ZDHHC13: variants seen among roughly 807,000 people sequenced by gnomAD.
The protein encoded by ZDHHC13 is palmitoyltransferase ZDHHC13.
Under a neutral mutation model 86.0 loss-of-function variants are expected in ZDHHC13, and 85 were observed. That is an observed-to-expected ratio of 0.99 (90% CI 0.83 to 1.18). The LOEUF (loss-of-function observed/expected upper bound fraction) is 1.18. Among genes scored for constraint, ZDHHC13 ranks in the 50% most tolerant of loss-of-function variants. The pLI, the probability that ZDHHC13 is intolerant of heterozygous loss-of-function variation, is 0.00. For missense variants in ZDHHC13, 711 were observed against 730.2 expected, an observed-to-expected ratio of 0.97 and a Z score of 0.30; for synonymous variants, 263 against 246.4, an observed-to-expected ratio of 1.07 and a Z score of -0.63.
intron 5 of ZDHHC13, 99 bp downstream of exon 5, chr11:19,149,430 A>G (rs553372146): frequency 8.3e-7 from 1 of 1,204,384 alleles, no homozygotes; most frequent in South Asian, 2.1e-5. Flanking sequence ...AGTGGAGGTT[A>G]ATGGATATCC....
chr11:19,154,480 T>C (rs965860072), intron 8 of ZDHHC13, among the ~76,000 whole-genome samples: 1 of 152,176 alleles, frequency 6.6e-6, no homozygotes, highest in East Asian at 1.9e-4. Context: ...CTCCTAGATA[T>C]GGCGTAGAGA....
intron 16 of ZDHHC13, among the ~76,000 whole-genome samples, chr11:19,173,372 G>A (rs1386294715): frequency 6.6e-6 from 1 of 152,202 alleles, no homozygotes; most frequent in Non-Finnish European, 1.5e-5. Flanking sequence ...ATGAGAGTAT[G>A]TATAGAAAGA....
rs116109571 is a variant in ZDHHC13, at chr11:19,119,434, C to T, written c.27+2158C>T. Reference sequence around the variant, plus strand: ...CTCATCTTTTACTGTCTTGCTTGCCCGGTCATCCCCAGCCACACCAGCCTC... The same window carrying T: ...CTCATCTTTTACTGTCTTGCTTGCCTGGTCATCCCCAGCCACACCAGCCTC... On this transcript the variant is annotated intron_variant, in intron 1 of 16. Coordinates refer to ENST00000446113, the MANE Select transcript of ZDHHC13 (RefSeq NM_019028.3). Among the ~76,000 whole-genome samples the T allele has an allele frequency of 8.4e-3, 1,279 of 152,278 alleles. 12 individuals carry two copies. Among genetic ancestry groups the T allele is most frequent in the African/African-American group, 0.028 (1,161 of 41,540 alleles).
chr11:19,137,626 A>C (rs1378097623), intron 1 of ZDHHC13, among the ~76,000 whole-genome samples: 1 of 152,180 alleles, frequency 6.6e-6, no homozygotes, highest in East Asian at 1.9e-4. Context: ...TTATTTCAGC[A>C]CCACACCACA....
At chr11:19,156,032 AT>A in intron 9 of ZDHHC13, 103 bp downstream of exon 9, 3 of 1,366,954 alleles carry the variant, frequency 2.2e-6, no homozygotes, top group Non-Finnish European at 2.9e-6. Flanking sequence ...CATGCTGTAA[AT>A]ATTACTTACC....
intron 5 of ZDHHC13, among the ~76,000 whole-genome samples, chr11:19,150,367 A>G (rs1244033972): frequency 6.6e-6 from 1 of 152,162 alleles, no homozygotes; most frequent in African/African-American, 2.4e-5. Context: ...ACTTTGTATA[A>G]GAAATGATAA....
At chr11:19,130,908 C>T (rs1021404676) in intron 1 of ZDHHC13, among the ~76,000 whole-genome samples, 3 of 151,684 alleles carry the variant, frequency 2.0e-5, no homozygotes, top group East Asian at 1.9e-4. Flanking sequence ...TACAGTGGCG[C>T]GATATCGGCT....
At position 19,117,334 on chromosome 11, in the gene ZDHHC13, A is replaced by G; in HGVS notation, c.27+58A>G. 1 of 1,425,696 alleles carries G rather than the reference A, an allele frequency of 7.0e-7. No homozygotes were observed. The highest frequency in any genetic ancestry group is 1.4e-5 in the South Asian group (1 of 70,506). 88.3% of individuals were successfully genotyped at this position (1,425,696 alleles called of 1,614,324 possible). ...GCCGGGAGAGCGGCTGCAGCTGTGGAGGAAAGGATGGTGTGGGTGAGAGGC... is the reference window on the plus strand; with the variant it reads ...GCCGGGAGAGCGGCTGCAGCTGTGGGGGAAAGGATGGTGTGGGTGAGAGGC... On this transcript the variant is annotated intron_variant, in intron 1 of 16. Transcript: ENST00000446113. This position sits in a 1 kb window ranked among gnomAD's most constrained non-coding sequence, Gnocchi z 4.2.
chr11:19,129,717 G>A (rs1848948186), intron 1 of ZDHHC13, among the ~76,000 whole-genome samples: 2 of 151,960 alleles, frequency 1.3e-5, no homozygotes, highest in Admixed American at 1.3e-4. Context: ...TTGTATCTGT[G>A]TTCATGAGGG....
intron 1 of ZDHHC13, among the ~76,000 whole-genome samples, chr11:19,125,236 G>A (rs1486339418): frequency 3.9e-5 from 6 of 152,136 alleles, no homozygotes; most frequent in Non-Finnish European, 8.8e-5. Flanking sequence ...CAAAAGACTT[G>A]TATCTAGAAT....
chr11:19,132,561 A>C (rs1057132302), intron 1 of ZDHHC13, among the ~76,000 whole-genome samples: 1 of 152,034 alleles, frequency 6.6e-6, no homozygotes, highest in Admixed American at 6.5e-5. Flanking sequence ...GATTTTTTGG[A>C]GCCCCCTTTT....
chr11:19,153,947 C>G (rs952605283), intron 8 of ZDHHC13, among the ~76,000 whole-genome samples: 9 of 152,134 alleles, frequency 5.9e-5, no homozygotes, highest in African/African-American at 1.9e-4. Flanking sequence ...GAATCTGACC[C>G]CTTCTTACCA....
chr11:19,163,210 T>G (rs1590087963), intron 10 of ZDHHC13, 93 bp from the exon 11 acceptor site: 6 of 1,356,720 alleles, frequency 4.4e-6, no homozygotes, highest in Non-Finnish European at 4.9e-6. Flanking sequence ...ATAAGGAAGG[T>G]GAGATTCTTA....
chr11:19,124,388 G>C (rs910502107), intron 1 of ZDHHC13, among the ~76,000 whole-genome samples: 1 of 151,998 alleles, frequency 6.6e-6, no homozygotes, highest in Non-Finnish European at 1.5e-5. Context: ...GTTAATAATG[G>C]TTATCTCTGG....
At chr11:19,152,807 T>C in intron 8 of ZDHHC13, 123 bp downstream of exon 8, 1 of 1,455,850 alleles carries the variant, frequency 6.9e-7, no homozygotes, top group Admixed American at 2.0e-5. Context: ...CTGCTGACTA[T>C]ATCTTTCCCC....
At chr11:19,121,445 A>G (rs1848757501) in intron 1 of ZDHHC13, among the ~76,000 whole-genome samples, 3 of 152,246 alleles carry the variant, frequency 2.0e-5, no homozygotes, top group Admixed American at 1.3e-4. Context: ...TGTGTCTACA[A>G]TAGTGCCCAG....
Position 19,117,957 on chromosome 11 carries a change from G to A in ZDHHC13, c.27+681G>A, listed in dbSNP as rs1042343336. 4 of 152,220 alleles carry A rather than the reference G, an allele frequency of 2.6e-5. No homozygotes were observed. The highest frequency in any genetic ancestry group is 4.4e-5 in the Non-Finnish European group (3 of 68,068). The allele number at this position is 152,220 out of a possible 1,614,324, so 9.4% of individuals were successfully genotyped here. On this transcript the variant is annotated intron_variant, in intron 1 of 16. Transcript: ENST00000446113. This position sits in a 1 kb window ranked among gnomAD's most constrained non-coding sequence, Gnocchi z 4.2. ...TACAGGAGGTAGATGTTGTCTCCAA[G>A]AAAACAAGATTTTTGTGCTTTTTGC...
chr11:19,135,726 G>C (rs1027709374), intron 1 of ZDHHC13, among the ~76,000 whole-genome samples: 3 of 152,250 alleles, frequency 2.0e-5, no homozygotes, highest in African/African-American at 7.2e-5. Context: ...CTGGAGATCT[G>C]AGAACGGGCA....
intron 10 of ZDHHC13, among the ~76,000 whole-genome samples, chr11:19,159,910 G>C (rs1229983129): frequency 1.3e-5 from 2 of 151,876 alleles, no homozygotes; most frequent in Non-Finnish European, 2.9e-5. Flanking sequence ...CAAGGACCCT[G>C]GGAAGCCCTG....
Sources: gnomAD v4.1 joint callset for allele counts (sites outside exome capture counted in the v4.1 genomes callset) on GRCh38, gnomAD v4.1.1 for gene constraint, Gnocchi (gnomAD v3.1) non-coding constraint, MANE v1.5 for transcripts, NCBI Gene and HGNC (gene_info 2026-07-23, HGNC 2026-07-21) for gene names.